The following MALRD1 variants were observed in gnomAD, a reference collection of about 807,000 sequenced individuals.
MALRD1 encodes the protein MAM and LDL receptor class A domain containing 1.
Under a neutral mutation model 242.1 loss-of-function variants are expected in MALRD1, and 247 were observed. That is an observed-to-expected ratio of 1.02 (90% confidence interval 0.92 to 1.13). The LOEUF (loss-of-function observed/expected upper bound fraction) is 1.13, where lower values mean the gene tolerates loss of function less well. Among genes scored for constraint, MALRD1 ranks in the 50% most tolerant of loss-of-function variants. The pLI is 0.00. For missense variants in MALRD1, 2,989 were observed against 2,533.1 expected (o/e 1.18, Z -3.86); for synonymous variants, 995 against 866.6 (o/e 1.15, Z -2.60).
chr10:19,307,171 A>C (rs1292329138), intron 21 of MALRD1, among the ~76,000 whole-genome samples: 4 of 151,556 alleles, frequency 2.6e-5, no homozygotes. Context: ...ATTGTGCAAA[A>C]GTGGGTACCC....
chr10:19,549,402 G>A (rs1282963949), intron 32 of MALRD1, among the ~76,000 whole-genome samples: 1 of 152,154 alleles, frequency 6.6e-6, no homozygotes, highest in African/African-American at 2.4e-5. Flanking sequence ...AGTCGATCGT[G>A]CAGCAAACTT....
In MALRD1 at chr10:19,489,065, A is replaced by G. The variant is rs924293776; in HGVS notation, c.5030-2452A>G. On this transcript the variant is annotated intron_variant, in intron 29 of 39. Transcript: ENST00000454679. ...CGGAGGGTGGAGGGGCGGCAGCGCC[A>G]GGCACCGCGCACGCGCCTTTCCGGA... The G allele has an allele frequency of 1.3e-5, 6 of 459,064 alleles. No homozygotes were observed. The East Asian group carries it at 2.1e-4, about 16-fold the overall frequency. 28.4% of individuals were successfully genotyped at this position (459,064 alleles called of 1,614,324 possible). A position where few individuals can be genotyped will look rare whatever the true frequency, so the allele number is the denominator to read the frequency against.
At chr10:19,150,216 CTGTTTT>C (rs777997461) in intron 11 of MALRD1, among the ~76,000 whole-genome samples, 15 of 152,090 alleles carry the variant, frequency 9.9e-5, no homozygotes, top group African/African-American at 3.6e-4. Flanking sequence ...ATGCCTATGT[CTGTTTT>C]TGTTTTTGTT....
intron 29 of MALRD1, among the ~76,000 whole-genome samples, chr10:19,462,309 AT>A (rs1226120865): frequency 6.6e-6 from 1 of 152,208 alleles, no homozygotes; most frequent in Admixed American, 6.5e-5. Context: ...CCTAGGTTTA[AT>A]TACCAGAGAC....
chr10:19,696,996 A>G (rs1833410055), intron 38 of MALRD1, among the ~76,000 whole-genome samples: 2 of 152,214 alleles, frequency 1.3e-5, no homozygotes, highest in Non-Finnish European at 2.9e-5. Context: ...ACATGAACAC[A>G]AACATGAATG....
intron 19 of MALRD1, among the ~76,000 whole-genome samples, chr10:19,275,317 C>G (rs1840455470): frequency 6.6e-6 from 1 of 152,150 alleles, no homozygotes; most frequent in African/African-American, 2.4e-5. Context: ...TATTGACACT[C>G]AATTCGCTGG....
At position 19,711,580 on chromosome 10, in the gene MALRD1, T is replaced by TGGTGCAGAGGTGCTGTATCACTC. The variant is rs1201462254; in HGVS notation, c.6314+19027_6314+19049dup. Among the ~76,000 whole-genome samples the TGGTGCAGAGGTGCTGTATCACTC allele has an allele frequency of 1.6e-3, 244 of 152,274 alleles. 2 individuals carry two copies. The highest frequency in any genetic ancestry group is 5.8e-3 in the African/African-American group (239 of 41,546). ...ATAATATGGAAGGTTGAGAAAGGGT[T>TGGTGCAGAGGTGCTGTATCACTC]GGTGCAGAGGTGCTGTATCACTCCA... On this transcript the variant is annotated intron_variant, in intron 38 of 39. Coordinates refer to ENST00000454679, the MANE Select transcript of MALRD1 (RefSeq NM_001142308.3).
intron 28 of MALRD1, among the ~76,000 whole-genome samples, chr10:19,448,847 T>G (rs1462439715): frequency 6.6e-6 from 1 of 151,924 alleles, no homozygotes; most frequent in African/African-American, 2.4e-5. Context: ...AATAATATAA[T>G]TTTTGGAATC....
At chr10:19,076,807 T>G (rs1164713217) in intron 2 of MALRD1, among the ~76,000 whole-genome samples, 1 of 151,950 alleles carries the variant, frequency 6.6e-6, no homozygotes, top group Non-Finnish European at 1.5e-5. Flanking sequence ...TATTTTAGTA[T>G]TAATTTGCAA....
At chr10:19,199,462 A>T (rs542884586) in intron 14 of MALRD1, among the ~76,000 whole-genome samples, 17 of 152,234 alleles carry the variant, frequency 1.1e-4, no homozygotes, top group African/African-American at 4.1e-4. Flanking sequence ...AGCACTGAAA[A>T]ATTACATGTC....
At chr10:19,675,257 A>C (rs547775437) in intron 36 of MALRD1, among the ~76,000 whole-genome samples, 102 of 152,158 alleles carry the variant, frequency 6.7e-4, no homozygotes, top group Non-Finnish European at 1.2e-3. Flanking sequence ...AGAATTTGAT[A>C]ATATATAAAC....
At chr10:19,443,533 T>C (rs1834789655) in intron 28 of MALRD1, among the ~76,000 whole-genome samples, 2 of 152,222 alleles carry the variant, frequency 1.3e-5, no homozygotes, top group African/African-American at 4.8e-5. Context: ...TTTGCTCTCA[T>C]TGGTTTCAAA....
At chr10:19,267,116 C>T (rs927199871) in intron 19 of MALRD1, among the ~76,000 whole-genome samples, 1 of 151,998 alleles carries the variant, frequency 6.6e-6, no homozygotes, top group Non-Finnish European at 1.5e-5. Flanking sequence ...AAAAATAAAA[C>T]ACTGACTACA....
intron 36 of MALRD1, among the ~76,000 whole-genome samples, chr10:19,623,804 A>C (rs952500541): frequency 9.2e-5 from 14 of 151,972 alleles, no homozygotes; most frequent in African/African-American, 3.4e-4. Context: ...TTTTTTACCC[A>C]GTCTACTGAT....
intron 11 of MALRD1, among the ~76,000 whole-genome samples, chr10:19,150,295 C>T (rs2803829): frequency 0.33 from 50,216 of 151,902 alleles, 9,364 homozygotes; most frequent in African/African-American, 0.5. Flanking sequence ...CTGCGACCTT[C>T]GGGAAATGTT....
chr10:19,066,815 T>C lies in MALRD1; in HGVS notation c.296T>C (p.Ile99Thr), dbSNP rs1022524824. 1.6e-6 allele frequency: 2 copies of C among 1,233,738 alleles called. No homozygotes were observed. The highest frequency in any genetic ancestry group is 3.1e-5 in the African/African-American group (2 of 64,612). 76.4% of individuals were successfully genotyped at this position (1,233,738 alleles called of 1,614,324 possible). The change falls in exon 2 of 40, where the codon ATT becomes ACT. Residue 99 changes from isoleucine (I) to threonine (T), a missense_variant. By Grantham distance (89) the Ile-to-Thr change is moderately conservative. Transcript: ENST00000454679. ...QPSWTKRSGM[I>T]GLSPPFYDHN... ...AGTTGGACAAAGAGAAGTGGGATGATTGGTCTATCACCTCCATTTTATGAT... is the reference window on the plus strand; with the variant it reads ...AGTTGGACAAAGAGAAGTGGGATGACTGGTCTATCACCTCCATTTTATGAT...
chr10:19,101,339 G>GAT (rs1423034218), intron 4 of MALRD1, among the ~76,000 whole-genome samples: 2 of 141,712 alleles, frequency 1.4e-5, no homozygotes, highest in South Asian at 2.2e-4. Context: ...AAACTACTTG[G>GAT]ATATATATAA....
chr10:19,498,551 G>T lies in MALRD1; in HGVS notation c.5225G>T (p.Cys1742Phe). The T allele has an allele frequency of 6.5e-7, 1 of 1,550,200 alleles. No homozygotes were observed. Among genetic ancestry groups the T allele is most frequent in the South Asian group, 1.2e-5 (1 of 84,034 alleles). ...AGTTCAGGAAACTGGACCACAGCCTGCAGTCTTACTCAAGACTCTGAGGAT... is the reference window on the plus strand; with the variant it reads ...AGTTCAGGAAACTGGACCACAGCCTTCAGTCTTACTCAAGACTCTGAGGAT... ...ETSSGNWTTA[C>F]SLTQDSEDDL... Residue 1742 changes from cysteine (C) to phenylalanine (F), a missense_variant, in exon 31 of 40, where the codon TGC (cysteine) becomes TTC (phenylalanine). By Grantham distance (205) the Cys-to-Phe change is radical. Coordinates refer to ENST00000454679, the MANE Select transcript of MALRD1 (RefSeq NM_001142308.3).
intron 25 of MALRD1, 34 bp from the exon 26 acceptor site, chr10:19,351,972 A>C (rs1446936348): frequency 1.4e-6 from 2 of 1,451,764 alleles, no homozygotes; most frequent in East Asian, 2.5e-5. Flanking sequence ...TATACTAATC[A>C]TATCGTATGT....
Sources: gnomAD v4.1 joint callset for allele counts (sites outside exome capture counted in the v4.1 genomes callset) on GRCh38, gnomAD v4.1.1 for gene constraint, MANE v1.5 for transcripts, NCBI Gene and HGNC (gene_info 2026-07-23, HGNC 2026-07-21) for gene names.